Variants in SUCLG2 observed in about 807,000 individuals in gnomAD.
SUCLG2 encodes succinate-CoA ligase GDP-forming subunit beta, also known as succinate--CoA ligase [GDP-forming] subunit beta, mitochondrial.
A neutral mutation model predicts 47.9 loss-of-function variants in SUCLG2; 42 were observed. The observed-to-expected ratio is 0.88, with a 90% CI of 0.69 to 1.14. The LOEUF (loss-of-function observed/expected upper bound fraction) is 1.14. Among genes scored for constraint, SUCLG2 ranks in the 50% most tolerant of loss-of-function variants. SUCLG2 has a pLI of 0.00. For synonymous variants in SUCLG2, 195 were observed against 197.3 expected, an observed-to-expected ratio of 0.99 and a Z score of 0.10; for missense variants, 571 against 525.9, an observed-to-expected ratio of 1.09 and a Z score of -0.84.
chr3:67,423,146 T>C (rs573908626), intron 9 of SUCLG2, among the ~76,000 whole-genome samples: 33 of 152,186 alleles, frequency 2.2e-4, no homozygotes, highest in African/African-American at 6.7e-4. Flanking sequence ...GTGGATGTAA[T>C]TGGATCATGG....
At chr3:67,627,309 C>A (rs1700850423) in intron 1 of SUCLG2, among the ~76,000 whole-genome samples, 1 of 152,120 alleles carries the variant, frequency 6.6e-6, no homozygotes, top group African/African-American at 2.4e-5. Flanking sequence ...CCATAGACTG[C>A]AAAACAGGAC....
intron 10 of SUCLG2, among the ~76,000 whole-genome samples, chr3:67,390,710 G>A (rs562378818): frequency 2.0e-4 from 31 of 151,648 alleles, no homozygotes; most frequent in African/African-American, 7.3e-4. Flanking sequence ...TTGCCTAGAC[G>A]GTTAACTTGG....
intron 2 of SUCLG2, among the ~76,000 whole-genome samples, chr3:67,535,537 G>A (rs1271022791): frequency 6.6e-6 from 1 of 152,084 alleles, no homozygotes; most frequent in Non-Finnish European, 1.5e-5. Flanking sequence ...TGGGTCACGG[G>A]AGACGATCCC....
chr3:67,564,977 G>A (rs1392327313), intron 2 of SUCLG2, among the ~76,000 whole-genome samples: 1 of 150,496 alleles, frequency 6.6e-6, no homozygotes, highest in Non-Finnish European at 1.5e-5. Flanking sequence ...TCTTCCCACT[G>A]CTTTTTTTTT....
At chr3:67,434,321 C>G (rs1187394782) in intron 9 of SUCLG2, among the ~76,000 whole-genome samples, 1 of 152,096 alleles carries the variant, frequency 6.6e-6, no homozygotes, top group Non-Finnish European at 1.5e-5. Context: ...AGCTCAGGAG[C>G]TTGAGACCAG....
At chr3:67,452,075 C>T (rs1192886008) in intron 9 of SUCLG2, among the ~76,000 whole-genome samples, 2 of 152,162 alleles carry the variant, frequency 1.3e-5, no homozygotes, top group African/African-American at 4.8e-5. Context: ...TGCCAAGCCT[C>T]ACACCAGAGT....
chr3:67,588,989 G>A (rs1439536102), intron 2 of SUCLG2, among the ~76,000 whole-genome samples: 2 of 152,146 alleles, frequency 1.3e-5, no homozygotes, highest in Non-Finnish European at 2.9e-5. Context: ...ACAAGGCTCT[G>A]GTGACCTCTA....
chr3:67,503,951 T>G (rs1169338801), intron 7 of SUCLG2, among the ~76,000 whole-genome samples: 3 of 152,124 alleles, frequency 2.0e-5, no homozygotes, highest in African/African-American at 4.8e-5. Flanking sequence ...GTCACAGAAT[T>G]AAACAAAAGA....
chr3:67,590,039 C>T (rs1708118433), intron 2 of SUCLG2, among the ~76,000 whole-genome samples: 1 of 151,984 alleles, frequency 6.6e-6, no homozygotes, highest in African/African-American at 2.4e-5. Context: ...GGTGTATGGG[C>T]CTCTATTTGT....
At chr3:67,398,381 A>T (rs1354513584) in intron 10 of SUCLG2, among the ~76,000 whole-genome samples, 4 of 151,642 alleles carry the variant, frequency 2.6e-5, no homozygotes, top group Non-Finnish European at 5.9e-5. Flanking sequence ...GACACTTCTC[A>T]AAAGAAGACA....
chr3:67,553,742 T>C (rs560782413), intron 2 of SUCLG2, among the ~76,000 whole-genome samples: 5 of 152,304 alleles, frequency 3.3e-5, no homozygotes, highest in Non-Finnish European at 7.4e-5. Context: ...CATTGCAATA[T>C]TGTTTATAAT....
intron 2 of SUCLG2, among the ~76,000 whole-genome samples, chr3:67,559,037 T>G (rs987471329): frequency 6.6e-6 from 1 of 152,158 alleles, no homozygotes; most frequent in African/African-American, 2.4e-5. Context: ...ACTATCAAGT[T>G]TTTATGTGGG....
intron 9 of SUCLG2, among the ~76,000 whole-genome samples, chr3:67,419,190 T>C (rs1401960933): frequency 1.3e-5 from 2 of 152,206 alleles, no homozygotes; most frequent in Non-Finnish European, 2.9e-5. Flanking sequence ...TGACTTTCTG[T>C]TGATGGCCTG....
At chr3:67,436,385 T>A (rs964071254) in intron 9 of SUCLG2, among the ~76,000 whole-genome samples, 1 of 152,118 alleles carries the variant, frequency 6.6e-6, no homozygotes, top group East Asian at 1.9e-4. Context: ...TCAGTCATTA[T>A]GGAAGGCATC....
intron 2 of SUCLG2, among the ~76,000 whole-genome samples, chr3:67,570,754 G>A (rs1402372063): frequency 6.6e-6 from 1 of 152,104 alleles, no homozygotes. Context: ...GACTCCATAT[G>A]GAGAGGACAC....
At chr3:67,570,271 C>G (rs9840770) in intron 2 of SUCLG2, among the ~76,000 whole-genome samples, 3,660 of 152,270 alleles carry the variant, frequency 0.024, 120 homozygotes, top group African/African-American at 0.077. Flanking sequence ...TATGGCAGCC[C>G]TAGCTGACTA....
intron 9 of SUCLG2, among the ~76,000 whole-genome samples, chr3:67,494,542 C>G (rs929029395): frequency 6.6e-6 from 1 of 152,108 alleles, no homozygotes; most frequent in Non-Finnish European, 1.5e-5. Flanking sequence ...AGGAGGATAC[C>G]TTGGGCCCAG....
At chr3:67,618,475 T>C (rs1285151650) in intron 1 of SUCLG2, among the ~76,000 whole-genome samples, 1 of 152,178 alleles carries the variant, frequency 6.6e-6, no homozygotes, top group Non-Finnish European at 1.5e-5. Context: ...TCATTTGAAC[T>C]AGGTTATCCC....
At chr3:67,525,682 T>C (rs1318070902) in intron 4 of SUCLG2, among the ~76,000 whole-genome samples, 1 of 151,834 alleles carries the variant, frequency 6.6e-6, no homozygotes, top group African/African-American at 2.4e-5. Context: ...ATAAAACATC[T>C]AGAAAAAAAC....
Sources: allele counts gnomAD v4.1 joint callset (sites outside exome capture counted in the v4.1 genomes callset), GRCh38; gene constraint gnomAD v4.1.1; transcripts MANE v1.5; gene names NCBI Gene and HGNC (gene_info 2026-07-23, HGNC 2026-07-21).